MAP3K5: variants seen among roughly 807,000 people sequenced by gnomAD.
The protein encoded by MAP3K5 is ASK-1.
A neutral mutation model predicts 158.7 loss-of-function variants in MAP3K5; 56 were observed. That is an observed-to-expected ratio of 0.35 (90% CI 0.28 to 0.44). The LOEUF (loss-of-function observed/expected upper bound fraction) is 0.44. Among genes scored for constraint, MAP3K5 ranks in the 20% least tolerant of loss-of-function variants. The pLI, the probability that MAP3K5 is intolerant of heterozygous loss-of-function variation, is 1.00. For missense variants in MAP3K5, 1,294 were observed against 1,674.8 expected (o/e 0.77, Z 3.97); for synonymous variants, 579 against 601.7 (o/e 0.96, Z 0.55).
rs1381695924 is a variant in MAP3K5 at position 136,732,529 on chromosome 6, C to T, written c.449-11940G>A. Among the ~76,000 whole-genome samples the T allele has an allele frequency of 3.9e-5, 6 of 152,196 alleles. No individual in the cohort carries two copies. In the East Asian group the frequency reaches 9.6e-4, roughly 24 times the overall value. The stretch of plus-strand genomic sequence containing the variant: ...GTGAAAGGAAGAACACCGATCTCCT[C>T]CTTCACTTCAGGTAGTGACTTGCTG... On this transcript the variant is annotated intron_variant, in intron 1 of 29. Coordinates refer to ENST00000359015, the MANE Select transcript of MAP3K5 (RefSeq NM_005923.4).
At chr6:136,761,288 TAA>T (rs368661488) in intron 1 of MAP3K5, among the ~76,000 whole-genome samples, 8 of 118,424 alleles carry the variant, frequency 6.8e-5, no homozygotes, top group Non-Finnish European at 5.1e-5. Context: ...ACCCTAACTT[TAA>T]AAAAAAAAAA....
chr6:136,703,181 T>C (rs930772907), intron 3 of MAP3K5, among the ~76,000 whole-genome samples: 4 of 152,316 alleles, frequency 2.6e-5, no homozygotes, highest in Admixed American at 6.5e-5. Context: ...ATTCAACTTT[T>C]TATAAGGACA....
intron 7 of MAP3K5, among the ~76,000 whole-genome samples, chr6:136,672,456 A>T (rs1779523190): frequency 6.6e-6 from 1 of 152,216 alleles, no homozygotes; most frequent in Admixed American, 6.5e-5. Context: ...AACTTTACCA[A>T]GAAAAAGAGA....
chr6:136,648,560 G>C (rs927967057), intron 11 of MAP3K5, among the ~76,000 whole-genome samples: 2 of 152,110 alleles, frequency 1.3e-5, no homozygotes, highest in African/African-American at 4.8e-5. Context: ...CCAACATTTA[G>C]TGTGCCTGCT....
chr6:136,776,179 G>A (rs933852676), intron 1 of MAP3K5, among the ~76,000 whole-genome samples: 7 of 152,176 alleles, frequency 4.6e-5, no homozygotes, highest in African/African-American at 1.4e-4. Flanking sequence ...GTGTATACAC[G>A]ATTCGTCTAA....
At chr6:136,708,175 T>C (rs1239360485) in intron 2 of MAP3K5, among the ~76,000 whole-genome samples, 8 of 152,236 alleles carry the variant, frequency 5.3e-5, no homozygotes, top group Admixed American at 5.2e-4. Flanking sequence ...GTGAATGTAT[T>C]ACCTTAGGAC....
rs979516101 is a variant in MAP3K5 at position 136,613,912 on chromosome 6, G to C, written c.2278+247C>G. Among the ~76,000 whole-genome samples, 1 of 152,116 alleles carries C rather than the reference G, an allele frequency of 6.6e-6. No homozygotes were observed. The highest frequency in any genetic ancestry group is 6.6e-5 in the Admixed American group (1 of 15,266). ...CTTTGGAACACTGGCCCATTCTTTT[G>C]GAGTCTGTGTTTCCTGGGTGGCTAT... On this transcript the variant is annotated intron_variant, in intron 16 of 29. Transcript: ENST00000359015. The surrounding 1 kb of genome is among the most constrained non-coding windows in gnomAD (Gnocchi z 4.0).
intron 14 of MAP3K5, among the ~76,000 whole-genome samples, chr6:136,634,810 A>G (rs1013907549): frequency 1.3e-5 from 2 of 151,416 alleles, no homozygotes; most frequent in Non-Finnish European, 2.9e-5. Context: ...CAAGTGATCC[A>G]CTCACCTCAG....
At position 136,720,462 on chromosome 6, in the gene MAP3K5, C is replaced by T. The variant is rs1781701567; in HGVS notation, c.576G>A (p.Leu192=). 5.6e-6 allele frequency: 9 copies of T among 1,605,354 alleles called. No homozygotes were observed. Among genetic ancestry groups the T allele is most frequent in the African/African-American group, 1.3e-5 (1 of 74,518 alleles). ...ILYCDTNSDS[L]QSLKEIICQK... ...ACAAGGGAGGTACCTTCAGTGACTGCAGAGAGTCCGAGTTAGTATCACAGT... is the reference window on the plus strand; with the variant it reads ...ACAAGGGAGGTACCTTCAGTGACTGTAGAGAGTCCGAGTTAGTATCACAGT... Residue 192 remains leucine, a synonymous_variant, in exon 2 of 30, where the codon CTG becomes CTA. Transcript: ENST00000359015.
intron 1 of MAP3K5, among the ~76,000 whole-genome samples, chr6:136,749,150 A>G (rs1159519997): frequency 6.6e-6 from 1 of 152,200 alleles, no homozygotes; most frequent in Non-Finnish European, 1.5e-5. Flanking sequence ...GTGCTGGCAG[A>G]TCACTTGAGG....
chr6:136,637,449 T>C (rs756568259), intron 13 of MAP3K5, 43 bp from the exon 14 acceptor site: 2 of 1,111,498 alleles, frequency 1.8e-6, no homozygotes, highest in East Asian at 2.3e-5. Flanking sequence ...ACACAAACAA[T>C]AGTAAATATA....
intron 24 of MAP3K5, 128 bp from the exon 25 acceptor site, chr6:136,580,534 T>C (rs541578445): frequency 7.4e-5 from 41 of 557,112 alleles, no homozygotes; most frequent in African/African-American, 5.7e-4. Context: ...TTCTTTGTAA[T>C]TCTTTATGTC....
intron 1 of MAP3K5, among the ~76,000 whole-genome samples, chr6:136,790,319 T>C (rs1785021314): frequency 6.6e-6 from 1 of 152,100 alleles, no homozygotes; most frequent in Non-Finnish European, 1.5e-5. Flanking sequence ...GCAATAAAAA[T>C]AGGCTCAAGT....
chr6:136,765,661 C>T (rs972124456), intron 1 of MAP3K5, among the ~76,000 whole-genome samples: 4 of 151,278 alleles, frequency 2.6e-5, no homozygotes, highest in Non-Finnish European at 5.9e-5. Flanking sequence ...TACAAGTGCC[C>T]ACCACCATGC....
intron 1 of MAP3K5, among the ~76,000 whole-genome samples, chr6:136,788,768 G>C (rs1428540152): frequency 6.6e-6 from 1 of 152,226 alleles, no homozygotes; most frequent in African/African-American, 2.4e-5. Context: ...TGGCGAGGCT[G>C]CAGAGAAAAG....
At chr6:136,560,079 AAAC>A (rs1830438306) in intron 28 of MAP3K5, among the ~76,000 whole-genome samples, 1 of 152,164 alleles carries the variant, frequency 6.6e-6, no homozygotes, top group Non-Finnish European at 1.5e-5. Flanking sequence ...ATATAAAACA[AAAC>A]AATATTGTAT....
At chr6:136,660,193 T>A (rs1436587688) in intron 8 of MAP3K5, among the ~76,000 whole-genome samples, 1 of 152,184 alleles carries the variant, frequency 6.6e-6, no homozygotes, top group African/African-American at 2.4e-5. Flanking sequence ...AGTATATATA[T>A]TTCGCAAGAA....
chr6:136,667,304 T>C (rs150858040), intron 8 of MAP3K5, among the ~76,000 whole-genome samples: 88 of 152,256 alleles, frequency 5.8e-4, no homozygotes, highest in African/African-American at 2.0e-3. Context: ...AACACTGATA[T>C]AGGGATTTTG....
At chr6:136,595,950 C>T (rs1439195942) in intron 21 of MAP3K5, among the ~76,000 whole-genome samples, 1 of 152,058 alleles carries the variant, frequency 6.6e-6, no homozygotes, top group Non-Finnish European at 1.5e-5. Flanking sequence ...GCGGAAGTTG[C>T]AGTGAGCCAA....
Sources: allele counts gnomAD v4.1 joint callset (sites outside exome capture counted in the v4.1 genomes callset), GRCh38; gene constraint gnomAD v4.1.1; non-coding constraint Gnocchi (gnomAD v3.1); transcripts MANE v1.5; gene names NCBI Gene and HGNC (gene_info 2026-07-23, HGNC 2026-07-21).